Variants in ARNT observed in about 807,000 individuals in gnomAD.
ARNT encodes the protein class E basic helix-loop-helix protein 2.
A neutral mutation model predicts 105.0 loss-of-function variants in ARNT; 30 were observed. The ratio of observed to expected loss-of-function variants is 0.29; its 90% confidence interval spans 0.21 to 0.39. ARNT has a LOEUF of 0.39. Ranked by LOEUF, ARNT falls within the 10% of genes least tolerant of loss-of-function variation. The pLI, the probability that ARNT is intolerant of heterozygous loss-of-function variation, is 1.00. For synonymous variants in ARNT, 304 were observed against 344.0 expected (o/e 0.88, Z 1.29); for missense variants, 748 against 978.7 (o/e 0.76, Z 3.15).
At chr1:150,858,239 T>G (rs1341042515) in intron 2 of ARNT, 110 bp downstream of exon 2, 1 of 759,792 alleles carries the variant, frequency 1.3e-6, no homozygotes, top group Non-Finnish European at 2.2e-6. Context: ...AGTAATCAAG[T>G]TGAAGTGAGA....
At chr1:150,851,439 A>G (rs1327826428) in intron 3 of ARNT, among the ~76,000 whole-genome samples, 1 of 152,252 alleles carries the variant, frequency 6.6e-6, no homozygotes, top group Non-Finnish European at 1.5e-5. Flanking sequence ...TGGGGAAAAG[A>G]TAGAGAAATC....
intron 13 of ARNT, among the ~76,000 whole-genome samples, chr1:150,823,870 G>A (rs1657643254): frequency 6.9e-6 from 1 of 144,432 alleles, no homozygotes; most frequent in Non-Finnish European, 1.5e-5. Context: ...TTGAGACGGA[G>A]TCTCGCTCTG....
intron 3 of ARNT, among the ~76,000 whole-genome samples, chr1:150,850,063 CAAAT>C (rs1353064818): frequency 6.6e-6 from 1 of 152,052 alleles, no homozygotes; most frequent in Non-Finnish European, 1.5e-5. Flanking sequence ...AAAAAACAAA[CAAAT>C]AAATAGTCCA....
chr1:150,813,282 C>T lies in ARNT; in HGVS notation c.2170G>A (p.Gly724Ser). The change falls in exon 21 of 22, where the codon GGT (glycine) becomes AGT (serine). Residue 724 changes from glycine to serine, a missense_variant. Coordinates refer to ENST00000358595, the MANE Select transcript of ARNT (RefSeq NM_001668.4). ...QFQTRTAEGV[G>S]VWPQWQGQQP... The stretch of plus-strand genomic sequence containing the variant: ...TGGCCCTGCCACTGTGGCCAGACAC[C>T]CACACCCTCTGCTGTCCGTGTCTGG... 1 of 1,613,892 alleles carries T rather than the reference C, an allele frequency of 6.2e-7. No homozygotes were observed. Among genetic ancestry groups the T allele is most frequent in the Non-Finnish European group, 8.5e-7 (1 of 1,179,934 alleles).
Position 150,839,515 on chromosome 1 carries a change from G to A in ARNT, c.412C>T (p.His138Tyr). The A allele has an allele frequency of 1.2e-6, 2 of 1,614,220 alleles. No individual in the cohort carries two copies. The highest frequency in any genetic ancestry group is 2.2e-5 in the East Asian group (1 of 44,884). Residue 138 changes from histidine to tyrosine, a missense_variant, in exon 6 of 22, where the codon CAC becomes TAC. By Grantham distance (83) the His-to-Tyr change is moderately conservative. Around this residue, in one of 4 missense-constraint regions of ARNT, gnomAD observed 291 missense variants for 444.6 expected, o/e 0.65. Transcript: ENST00000358595. ...CCAGTTCCCCGCAAGGACTTCATGT[G>A]AGAAACTGCCATGCGTAAGATGGTT... ...KLTILRMAVSHMKSLRGTGNT... is the reference protein window; with the variant it reads ...KLTILRMAVSYMKSLRGTGNT...
intron 1 of ARNT, among the ~76,000 whole-genome samples, chr1:150,865,436 G>C (rs587642538): frequency 2.6e-5 from 4 of 152,226 alleles, no homozygotes; most frequent in African/African-American, 7.2e-5. Context: ...CTCAATTTAC[G>C]CTATGGAATT....
chr1:150,810,816 A>C lies in ARNT; in HGVS notation c.*1205T>G. On this transcript the variant is annotated 3_prime_UTR_variant, in exon 22 of 22. Coordinates refer to ENST00000358595, the MANE Select transcript of ARNT (RefSeq NM_001668.4). ...TACTTGCACTCTAAAGCAAAACCCA[A>C]TCTCAAGATTGGAGGGAGCAAAGAG... 2 of 219,890 alleles carry C rather than the reference A, an allele frequency of 9.1e-6. No individual in the cohort carries two copies. Among genetic ancestry groups the C allele is most frequent in the East Asian group, 6.6e-5 (1 of 15,114 alleles). The allele number at this position is 219,890 out of a possible 1,614,324, so 13.6% of individuals were successfully genotyped here. A position where few individuals can be genotyped will look rare whatever the true frequency, so the allele number is the denominator to read the frequency against.
At chr1:150,825,814 C>T (rs587622938) in intron 13 of ARNT, among the ~76,000 whole-genome samples, 69 of 151,058 alleles carry the variant, frequency 4.6e-4, no homozygotes, top group African/African-American at 1.4e-3. Context: ...GCACACTACA[C>T]TCCACCCTGG....
intron 10 of ARNT, 93 bp from the exon 11 acceptor site, chr1:150,830,073 T>C: frequency 7.0e-7 from 1 of 1,421,302 alleles, no homozygotes; most frequent in South Asian, 1.2e-5. Flanking sequence ...TAGACCTATT[T>C]ATGGGCCAGG....
Position 150,839,479 on chromosome 1 carries a change from T to C in ARNT, c.448A>G (p.Thr150Ala). The change falls in exon 6 of 22, where the codon ACT (threonine) becomes GCT (alanine). Residue 150 changes from threonine to alanine, a missense_variant. Thr to Ala is a moderately conservative substitution (Grantham distance 58). Coordinates refer to ENST00000358595, the MANE Select transcript of ARNT (RefSeq NM_001668.4). ...KSLRGTGNTSTDGSYKPSFLT... is the reference protein window; with the variant it reads ...KSLRGTGNTSADGSYKPSFLT... ...AAAGACGGCTTATAGGAGCCATCAG[T>C]GGATGTGTTGCCAGTTCCCCGCAAG... is the stretch of plus-strand genomic sequence containing the variant. 2 of 1,614,154 alleles carry C rather than the reference T, an allele frequency of 1.2e-6. No homozygotes were observed. The highest frequency in any genetic ancestry group is 2.7e-5 in the African/African-American group (2 of 75,046).
intron 4 of ARNT, 110 bp from the exon 5 acceptor site, chr1:150,842,578 G>A: frequency 8.1e-5 from 57 of 704,974 alleles, no homozygotes; most frequent in South Asian, 2.6e-4. Context: ...AATGGAGGGA[G>A]AAAAAAAAAG....
At chr1:150,849,921 C>T (rs1304023011) in intron 3 of ARNT, among the ~76,000 whole-genome samples, 1 of 151,858 alleles carries the variant, frequency 6.6e-6, no homozygotes, top group East Asian at 1.9e-4. Flanking sequence ...AAAAATTAGC[C>T]AGGTGTGGTA....
Position 150,810,517 on chromosome 1 carries a change from G to A in ARNT, c.*1504C>T, listed in dbSNP as rs1359053886. 9.1e-6 allele frequency: 2 copies of A among 220,254 alleles called. No homozygotes were observed. Among genetic ancestry groups the A allele is most frequent in the Non-Finnish European group, 9.1e-6 (1 of 109,724 alleles). The allele number at this position is 220,254 out of a possible 1,614,324, so 13.6% of individuals were successfully genotyped here. A position where few individuals can be genotyped will look rare whatever the true frequency, so the allele number is the denominator to read the frequency against. ...CATAAGGAAGGGAAACTCAGCAAATGGACATTCCTTTGGCCTCTTCAAGGC... is the reference window on the plus strand; with the variant it reads ...CATAAGGAAGGGAAACTCAGCAAATAGACATTCCTTTGGCCTCTTCAAGGC... On this transcript the variant is annotated 3_prime_UTR_variant, in exon 22 of 22. Coordinates refer to ENST00000358595, the MANE Select transcript of ARNT (RefSeq NM_001668.4).
At chr1:150,857,566 A>C (rs1664853219) in intron 2 of ARNT, among the ~76,000 whole-genome samples, 1 of 152,346 alleles carries the variant, frequency 6.6e-6, no homozygotes, top group East Asian at 1.9e-4. Flanking sequence ...ACTGGTTATA[A>C]TTAGCTGCAC....
chr1:150,852,192 A>T (rs1663751352), intron 3 of ARNT, among the ~76,000 whole-genome samples: 1 of 152,134 alleles, frequency 6.6e-6, no homozygotes, highest in African/African-American at 2.4e-5. Context: ...TTCCTTGTGT[A>T]ACCCCCTCAC....
intron 1 of ARNT, among the ~76,000 whole-genome samples, chr1:150,863,231 A>G (rs1347416488): frequency 1.1e-4 from 17 of 151,456 alleles, no homozygotes; most frequent in African/African-American, 3.6e-4. Flanking sequence ...GTGTGGTGGT[A>G]CACGTCTATA....
chr1:150,823,117 A>G, intron 14 of ARNT, 77 bp downstream of exon 14: 5 of 1,356,718 alleles, frequency 3.7e-6, no homozygotes, highest in Non-Finnish European at 4.9e-6. Flanking sequence ...TTTACCCCCC[A>G]CATAGGGCAT....
intron 7 of ARNT, chr1:150,834,898 A>G (rs913602877): frequency 2.5e-6 from 1 of 397,144 alleles, no homozygotes; most frequent in African/African-American, 2.0e-5. Context: ...GGAAAGTAGT[A>G]GTAGAAAACA....
chr1:150,830,165 G>C (rs587724502), intron 10 of ARNT, 185 bp from the exon 11 acceptor site: 1 of 565,362 alleles, frequency 1.8e-6, no homozygotes, highest in East Asian at 3.0e-5. Flanking sequence ...GGCCGACACA[G>C]TGAAACCCCA....
Sources: gnomAD v4.1 joint callset for allele counts (sites outside exome capture counted in the v4.1 genomes callset) on GRCh38, gnomAD v4.1.1 for gene constraint, gnomAD v4.1.1 regional missense constraint, MANE v1.5 for transcripts, NCBI Gene and HGNC (gene_info 2026-07-23, HGNC 2026-07-21) for gene names.